The following PARD3B variants were observed in gnomAD, a reference collection of about 807,000 sequenced individuals.
PARD3B encodes par-3 family cell polarity regulator beta, also known as partitioning defective 3 homolog B.
PARD3B carries 103 observed loss-of-function variants against 130.2 expected under a neutral mutation model. The observed-to-expected ratio is 0.79, with a 90% confidence interval of 0.67 to 0.93. The LOEUF is 0.93. PARD3B is among the 40% of genes least tolerant of loss of function. The probability of loss-of-function intolerance (pLI) is 0.00; values close to 1 mark genes in which losing one functional copy is unlikely to be tolerated. For synonymous variants in PARD3B, 583 were observed against 553.2 expected (o/e 1.05, Z -0.76); for missense variants, 1,609 against 1,499.2 (o/e 1.07, Z -1.21).
chr2:205,308,979 A>T (rs1207411), intron 18 of PARD3B, among the ~76,000 whole-genome samples: 138,254 of 152,334 alleles, frequency 0.91, 62,935 homozygotes, highest in Admixed American at 0.94. Context: ...CACTGCACAC[A>T]GCCCAAGCTA....
At chr2:205,403,528 C>T (rs1331265122) in intron 19 of PARD3B, among the ~76,000 whole-genome samples, 1 of 151,936 alleles carries the variant, frequency 6.6e-6, no homozygotes, top group Non-Finnish European at 1.5e-5. Context: ...AAAAAAAAAC[C>T]AAATTCAACC....
rs6754319 is a variant in PARD3B, at chr2:204,861,945, A to G, written c.223-103207A>G. ...TTCTCAAAAAAAAAAAAAAAAAAAA[A>G]AAAAAAGAAATGGCTGAAAGTTTTG... On this transcript the variant is annotated intron_variant, in intron 2 of 22. Transcript: ENST00000406610. 3.2e-3 allele frequency among the ~76,000 whole-genome samples: 489 copies of G among 151,078 alleles called. 2 individuals carry two copies. Among genetic ancestry groups the G allele is most frequent in the African/African-American group, 0.011 (470 of 41,288 alleles).
intron 11 of PARD3B, among the ~76,000 whole-genome samples, chr2:205,170,058 G>T (rs1172527267): frequency 6.6e-6 from 1 of 151,708 alleles, no homozygotes; most frequent in Non-Finnish European, 1.5e-5. Context: ...AGCCTCCCGA[G>T]TAGCTGGGAT....
rs2041179656 is a variant in PARD3B at position 205,281,314 on chromosome 2, CAG to C, written c.2186-19214_2186-19213del. ...CTGAAAAGAATTTGAAAATTAGAAA[CAG>C]AATACCAGGTAATCATAGAGCAAGG... is the stretch of plus-strand genomic sequence containing the variant. On this transcript the variant is annotated intron_variant, in intron 16 of 22. Coordinates refer to ENST00000406610, the MANE Select transcript of PARD3B (RefSeq NM_001302769.2). This position sits in a 1 kb window ranked among gnomAD's most constrained non-coding sequence, Gnocchi z 4.2. 6.6e-6 allele frequency among the ~76,000 whole-genome samples: 1 copy of C among 152,178 alleles called. No individual in the cohort carries two copies. The highest frequency in any genetic ancestry group is 1.5e-5 in the Non-Finnish European group (1 of 68,020).
intron 1 of PARD3B, among the ~76,000 whole-genome samples, chr2:204,667,133 G>T (rs2036062030): frequency 6.6e-6 from 1 of 152,112 alleles, no homozygotes; most frequent in African/African-American, 2.4e-5. Context: ...AATCATGGGT[G>T]TTATAAAAAT....
chr2:205,071,552 T>C (rs963806247), intron 4 of PARD3B, among the ~76,000 whole-genome samples: 1 of 152,180 alleles, frequency 6.6e-6, no homozygotes, highest in Non-Finnish European at 1.5e-5. Context: ...ACCTTGAGAG[T>C]CTTGAGTGCT....
At chr2:205,277,954 G>A (rs1056955557) in intron 16 of PARD3B, among the ~76,000 whole-genome samples, 6 of 152,056 alleles carry the variant, frequency 3.9e-5, no homozygotes, top group Non-Finnish European at 8.8e-5. Flanking sequence ...CACATTTGGG[G>A]GAAGGAGAAA....
Position 204,864,212 on chromosome 2 carries a change from G to A in PARD3B, c.223-100940G>A, listed in dbSNP as rs376380244. ...TGTACTTCTGTCCTTGCCCTGCCCC[G>A]TGCCAGATTTGCATATGGAAGTCAA... On this transcript the variant is annotated intron_variant, in intron 2 of 22. Coordinates refer to ENST00000406610, the MANE Select transcript of PARD3B (RefSeq NM_001302769.2). Among the ~76,000 whole-genome samples the A allele has an allele frequency of 2.9e-4, 44 of 152,082 alleles. 1 individual carries two copies. Among genetic ancestry groups the A allele is most frequent in the African/African-American group, 9.6e-4 (40 of 41,468 alleles).
rs777137090 is a variant in PARD3B at position 205,125,695 on chromosome 2, G to C, written c.1392G>C (p.Leu464=). Reference sequence around the variant, plus strand: ...CCAAGCAGGGGGAGACAGCATCGCTGGTCATTGCCCGCCAAGAAGGACATT... The same window carrying C: ...CCAAGCAGGGGGAGACAGCATCGCTCGTCATTGCCCGCCAAGAAGGACATT... ...RSTKQGETAS[L]VIARQEGHFL... The change falls in exon 10 of 23, where the codon CTG becomes CTC. Residue 464 remains leucine, a synonymous_variant. Transcript: ENST00000406610. The surrounding 1 kb of genome is among the most constrained non-coding windows in gnomAD (Gnocchi z 4.0). The C allele has an allele frequency of 6.2e-7, 1 of 1,613,996 alleles. No homozygotes were observed. The highest frequency in any genetic ancestry group is 8.5e-7 in the Non-Finnish European group (1 of 1,180,032).
At position 205,309,753 on chromosome 2, in the gene PARD3B, T is replaced by A. The variant is rs986317883; in HGVS notation, c.2630+8052T>A. Among the ~76,000 whole-genome samples, 6 of 152,180 alleles carry A rather than the reference T, an allele frequency of 3.9e-5. No individual in the cohort carries two copies. Among genetic ancestry groups the A allele is most frequent in the African/African-American group, 1.4e-4 (6 of 41,444 alleles). On this transcript the variant is annotated intron_variant, in intron 18 of 22. Transcript: ENST00000406610. This position sits in a 1 kb window ranked among gnomAD's most constrained non-coding sequence, Gnocchi z 4.7. ...AGCTCTGCGGCCTTCACGAGTCCCTTTGAGTTTCAGTCACCTCCTCATCAG... is the reference window on the plus strand; with the variant it reads ...AGCTCTGCGGCCTTCACGAGTCCCTATGAGTTTCAGTCACCTCCTCATCAG...
At chr2:205,544,123 A>G (rs1358501155) in intron 21 of PARD3B, among the ~76,000 whole-genome samples, 1 of 152,196 alleles carries the variant, frequency 6.6e-6, no homozygotes, top group African/African-American at 2.4e-5. Context: ...CAGAAACTGA[A>G]TTTAGTAAGT....
chr2:205,025,646 T>C (rs1240796347), intron 3 of PARD3B, among the ~76,000 whole-genome samples: 1 of 152,118 alleles, frequency 6.6e-6, no homozygotes, highest in East Asian at 1.9e-4. Flanking sequence ...TGTCATGTTA[T>C]CTGTTTTTCT....
chr2:204,545,817 C>A lies in PARD3B; in HGVS notation c.-183C>A. On this transcript the variant is annotated 5_prime_UTR_variant, in exon 1 of 23. Coordinates refer to ENST00000406610, the MANE Select transcript of PARD3B (RefSeq NM_001302769.2). ...CGCGGCCGCCCCTCCCCGATTCCCG[C>A]CACCTGCCGCCTGGCCAGGTGGAAG... 1.7e-6 allele frequency: 1 copy of A among 596,374 alleles called. No individual in the cohort carries two copies. The highest frequency in any genetic ancestry group is 2.6e-6 in the Non-Finnish European group (1 of 384,158). The allele number at this position is 596,374 out of a possible 1,614,324, so 36.9% of individuals were successfully genotyped here. A position where few individuals can be genotyped will look rare whatever the true frequency, so the allele number is the denominator to read the frequency against.
intron 2 of PARD3B, among the ~76,000 whole-genome samples, chr2:204,860,037 A>G (rs1343261492): frequency 1.3e-5 from 2 of 152,224 alleles, no homozygotes; most frequent in Non-Finnish European, 2.9e-5. Context: ...TGCTTTTAAT[A>G]TAATCAGGAT....
chr2:204,963,419 T>C (rs1182433540), intron 2 of PARD3B, among the ~76,000 whole-genome samples: 1 of 152,152 alleles, frequency 6.6e-6, no homozygotes, highest in Non-Finnish European at 1.5e-5. Context: ...GGATATCATA[T>C]GAAAGAAGAG....
chr2:205,242,893 G>A (rs949063877), intron 15 of PARD3B, among the ~76,000 whole-genome samples: 1 of 152,112 alleles, frequency 6.6e-6, no homozygotes, highest in African/African-American at 2.4e-5. Context: ...GTGGCCGGGC[G>A]CAGTGGTTCA....
intron 15 of PARD3B, among the ~76,000 whole-genome samples, chr2:205,209,434 A>C (rs1296183150): frequency 2.0e-5 from 3 of 152,132 alleles, no homozygotes; most frequent in African/African-American, 7.2e-5. Flanking sequence ...CATCTTCCTA[A>C]AAGTATGAAG....
intron 3 of PARD3B, among the ~76,000 whole-genome samples, chr2:205,045,530 G>T (rs1043933256): frequency 5.9e-5 from 9 of 152,032 alleles, no homozygotes; most frequent in Admixed American, 5.9e-4. Context: ...TTATAGGCGT[G>T]AGCCACTGCG....
intron 3 of PARD3B, among the ~76,000 whole-genome samples, chr2:205,033,749 T>TA (rs1280693687): frequency 7.2e-5 from 11 of 152,208 alleles, no homozygotes; most frequent in African/African-American, 2.7e-4. Flanking sequence ...CTATTATCCC[T>TA]TTAGCTATTC....
Sources: gnomAD v4.1 joint callset for allele counts (sites outside exome capture counted in the v4.1 genomes callset) on GRCh38, gnomAD v4.1.1 for gene constraint, Gnocchi (gnomAD v3.1) non-coding constraint, MANE v1.5 for transcripts, NCBI Gene and HGNC (gene_info 2026-07-23, HGNC 2026-07-21) for gene names.